The following NPC1 variants were observed in gnomAD, a reference collection of about 807,000 sequenced individuals.
NPC1 encodes the protein Niemann-Pick C1 protein.
In NPC1, 85 loss-of-function variants were observed where a neutral mutation model predicts 140.4. The ratio of observed to expected loss-of-function variants is 0.61; its 90% CI spans 0.51 to 0.72. The LOEUF (loss-of-function observed/expected upper bound fraction) is 0.72, where lower values mean the gene tolerates loss of function less well. Among genes scored for constraint, NPC1 ranks in the 30% least tolerant of loss-of-function variants. The probability of loss-of-function intolerance (pLI) is 0.00; values close to 1 mark genes in which losing one functional copy is unlikely to be tolerated. For missense variants in NPC1, 1,504 were observed against 1,623.8 expected, an observed-to-expected ratio of 0.93 and a Z score of 1.27; for synonymous variants, 656 against 624.8, an observed-to-expected ratio of 1.05 and a Z score of -0.74.
intron 12 of NPC1, 143 bp from the exon 13 acceptor site, chr18:23,544,669 T>TA: frequency 1.2e-6 from 1 of 832,566 alleles, no homozygotes; most frequent in Non-Finnish European, 2.0e-6. Flanking sequence ...AGAGGACTTG[T>TA]AAACATTTCT....
At chr18:23,536,986 AC>A in intron 20 of NPC1, 110 bp from the exon 21 acceptor site, 1 of 808,708 alleles carries the variant, frequency 1.2e-6, no homozygotes, top group Non-Finnish European at 2.1e-6. Flanking sequence ...CAGAGGTCAG[AC>A]CCAGCTGTAC....
chr18:23,571,233 A>T (rs1599007178), intron 3 of NPC1, among the ~76,000 whole-genome samples: 1 of 11,348 alleles, frequency 8.8e-5, no homozygotes, highest in South Asian at 3.8e-3. Flanking sequence ...AACTGACTTT[A>T]AAAAAAAAAA....
rs1206106041 is a variant in NPC1, at chr18:23,533,374, A to G, written c.3735T>C (p.Pro1245=). 1 of 1,613,994 alleles carries G rather than the reference A, an allele frequency of 6.2e-7. No homozygotes were observed. Among genetic ancestry groups the G allele is most frequent in the African/African-American group, 1.3e-5 (1 of 74,930 alleles). Reference sequence around the variant, plus strand: ...TCTTACCTATGTAACTGAGTAAGACAGGGAGAAATATTAATCCGTGAGTGG... The same window carrying G: ...TCTTACCTATGTAACTGAGTAAGACGGGGAGAAATATTAATCCGTGAGTGG... The part of the protein sequence containing the change: ...LGATHGLIFL[P]VLLSYIGPSV... The change falls in exon 24 of 25, where the codon CCT becomes CCC. Residue 1245 remains proline, a synonymous_variant. Coordinates refer to ENST00000269228, the MANE Select transcript of NPC1 (RefSeq NM_000271.5).
intron 1 of NPC1, among the ~76,000 whole-genome samples, chr18:23,574,626 G>A (rs1356022114): frequency 6.6e-6 from 1 of 152,148 alleles, no homozygotes; most frequent in Non-Finnish European, 1.5e-5. Flanking sequence ...AGGAGATTGG[G>A]ATTTGTATGT....
At chr18:23,542,810 C>T (rs768317673) in intron 14 of NPC1, among the ~76,000 whole-genome samples, 10 of 152,200 alleles carry the variant, frequency 6.6e-5, no homozygotes, top group Non-Finnish European at 1.5e-4. Context: ...GATTCAGTGG[C>T]TACTCAAGGA....
In NPC1 at chr18:23,551,720, C is replaced by G; in HGVS notation, c.1561G>C (p.Ala521Pro). 2 of 1,613,812 alleles carry G rather than the reference C, an allele frequency of 1.2e-6. No individual in the cohort carries two copies. Among genetic ancestry groups the G allele is most frequent in the Non-Finnish European group, 1.7e-6 (2 of 1,179,734 alleles). Residue 521 changes from alanine (A) to proline (P), a missense_variant, in exon 10 of 25, where the codon GCC becomes CCC. Transcript: ENST00000269228. Reference sequence around the variant, plus strand: ...AGCAAACTTGTATCATTCAGAGAGGCAGGAGCCCTGCCAAAAAGTTTAGAA... The same window carrying G: ...AGCAAACTTGTATCATTCAGAGAGGGAGGAGCCCTGCCAAAAAGTTTAGAA... ...THFLYCVRAPASLNDTSLLHD... is the reference protein window; with the variant it reads ...THFLYCVRAPPSLNDTSLLHD...
At chr18:23,586,078 C>G (rs1290073817) in intron 1 of NPC1, among the ~76,000 whole-genome samples, 1 of 152,226 alleles carries the variant, frequency 6.6e-6, no homozygotes, top group Non-Finnish European at 1.5e-5. Context: ...ACAGGTCACC[C>G]AAGCCCCCAC....
intron 3 of NPC1, chr18:23,515,731 C>G: frequency 9.3e-7 from 1 of 1,079,028 alleles, no homozygotes; most frequent in Non-Finnish European, 1.3e-6. Context: ...TGGGGTTTTA[C>G]CATTTTGTCC....
intron 23 of NPC1, 24 bp downstream of exon 23, chr18:23,534,422 C>G (rs545550681): frequency 1.2e-5 from 18 of 1,495,668 alleles, no homozygotes; most frequent in Non-Finnish European, 1.3e-5. Flanking sequence ...ACTCTGCCGG[C>G]GTGGCCCTGC....
intron 1 of NPC1, among the ~76,000 whole-genome samples, chr18:23,575,416 G>A (rs1320997408): frequency 6.6e-6 from 1 of 152,108 alleles, no homozygotes; most frequent in Non-Finnish European, 1.5e-5. Flanking sequence ...GAGGCTCAGT[G>A]TGCTTGTTGA....
At chr18:23,566,037 C>A (rs2059118714) in intron 4 of NPC1, among the ~76,000 whole-genome samples, 1 of 152,052 alleles carries the variant, frequency 6.6e-6, no homozygotes, top group South Asian at 2.1e-4. Context: ...GAGAATAATA[C>A]AATTCTCATT....
At chr18:23,516,442 G>T in intron 3 of NPC1, 1 of 1,608,178 alleles carries the variant, frequency 6.2e-7, no homozygotes, top group African/African-American at 1.3e-5. Flanking sequence ...GTGTCAGAGA[G>T]AATTCCATCC....
downstream of NPC1, chr18:23,529,882 G>C (rs764935075): frequency 4.8e-6 from 5 of 1,034,242 alleles, no homozygotes; most frequent in Non-Finnish European, 7.3e-6. Flanking sequence ...AGGTCAAGTT[G>C]GGGTCTTTAC....
intron 3 of NPC1, among the ~76,000 whole-genome samples, chr18:23,510,213 A>G (rs2057816454): frequency 6.6e-6 from 1 of 151,556 alleles, no homozygotes; most frequent in African/African-American, 2.4e-5. Context: ...AGTCCCAGCT[A>G]CTTGGGAGGC....
chr18:23,527,919 T>A (rs577445197), downstream of NPC1: 1 of 1,573,666 alleles, frequency 6.4e-7, no homozygotes, highest in Admixed American at 1.8e-5. Flanking sequence ...ACATGGAGTA[T>A]GACAAAGGGT....
At chr18:23,518,813 C>T, downstream of NPC1, 2 of 1,319,396 alleles carry the variant, frequency 1.5e-6, no homozygotes, top group Non-Finnish European at 2.2e-6. Context: ...TTATAATTTA[C>T]TTAACCGTGA....
Position 23,541,546 on chromosome 18 carries a change from T to C in NPC1, c.2246-113A>G, listed in dbSNP as rs1310735517. 6.5e-5 allele frequency: 88 copies of C among 1,358,710 alleles called. No homozygotes were observed. In the South Asian group the frequency reaches 1.0e-3, roughly 16 times the overall value. The allele number at this position is 1,358,710 out of a possible 1,614,324, so 84.2% of individuals were successfully genotyped here. A position where few individuals can be genotyped will look rare whatever the true frequency, so the allele number is the denominator to read the frequency against. On this transcript the variant is annotated intron_variant, in intron 14 of 24. Coordinates refer to ENST00000269228, the MANE Select transcript of NPC1 (RefSeq NM_000271.5). ...AAGGAGCCAGCACAGGCCAAACGCA[T>C]GAGAAGGCATGCTGCGGCTGGACAT...
At chr18:23,519,231 T>C, downstream of NPC1, 1 of 1,518,804 alleles carries the variant, frequency 6.6e-7, no homozygotes, top group African/African-American at 1.4e-5. Context: ...CTTGTGAAAA[T>C]TGGTGGCTGG....
At chr18:23,561,839 A>G (rs1362161156) in intron 4 of NPC1, among the ~76,000 whole-genome samples, 1 of 152,208 alleles carries the variant, frequency 6.6e-6, no homozygotes, top group East Asian at 1.9e-4. Context: ...ATAGAAGAGT[A>G]TACCAAGGCC....
Sources: allele counts gnomAD v4.1 joint callset (sites outside exome capture counted in the v4.1 genomes callset), GRCh38; gene constraint gnomAD v4.1.1; transcripts MANE v1.5; gene names NCBI Gene and HGNC (gene_info 2026-07-23, HGNC 2026-07-21).